The following FNBP1 variants were observed in gnomAD, a reference collection of about 807,000 sequenced individuals.
FNBP1 encodes formin-binding protein 1.
FNBP1 carries 26 observed loss-of-function variants against 90.6 expected under a neutral mutation model. The ratio of observed to expected loss-of-function variants is 0.29; its 90% CI spans 0.21 to 0.40. The LOEUF is 0.40. Among genes scored for constraint, FNBP1 ranks in the 10% least tolerant of loss-of-function variants. The pLI, the probability that FNBP1 is intolerant of heterozygous loss-of-function variation, is 1.00. For missense variants in FNBP1, 635 were observed against 768.0 expected, an observed-to-expected ratio of 0.83 and a Z score of 2.05; for synonymous variants, 260 against 265.2, an observed-to-expected ratio of 0.98 and a Z score of 0.19.
At chr9:129,925,428 C>G (rs1229034328) in intron 8 of FNBP1, among the ~76,000 whole-genome samples, 1 of 151,684 alleles carries the variant, frequency 6.6e-6, no homozygotes, top group Admixed American at 6.6e-5. Flanking sequence ...ATGGCATGAA[C>G]CCAGGAGGCG....
intron 1 of FNBP1, among the ~76,000 whole-genome samples, chr9:130,007,694 A>G (rs1381401279): frequency 6.6e-6 from 1 of 152,178 alleles, no homozygotes; most frequent in East Asian, 1.9e-4. Context: ...ACTGCCCCAA[A>G]GATGCGGAGT....
At chr9:129,908,816 G>C in intron 12 of FNBP1, 74 bp downstream of exon 12, 1 of 951,678 alleles carries the variant, frequency 1.1e-6, no homozygotes, top group East Asian at 2.6e-5. Flanking sequence ...GCCTCCCAAA[G>C]TGCTGGGATT....
chr9:129,910,033 C>T, intron 11 of FNBP1: 1 of 402,286 alleles, frequency 2.5e-6, no homozygotes, highest in Admixed American at 2.9e-5. Flanking sequence ...TCTTGATTCC[C>T]TTTTCAGAAG....
At chr9:130,027,652 C>A (rs905282352) in intron 1 of FNBP1, among the ~76,000 whole-genome samples, 7 of 152,094 alleles carry the variant, frequency 4.6e-5, no homozygotes, top group African/African-American at 1.7e-4. Context: ...TTGCTGAGGC[C>A]TCAGCTGGGA....
chr9:129,993,638 T>C (rs1465693790), intron 2 of FNBP1, among the ~76,000 whole-genome samples: 2 of 149,814 alleles, frequency 1.3e-5, no homozygotes, highest in Non-Finnish European at 3.0e-5. Context: ...TTTTTTTTTT[T>C]TTTTGAGAAG....
intron 1 of FNBP1, among the ~76,000 whole-genome samples, chr9:130,037,395 C>T (rs193283299): frequency 2.6e-5 from 4 of 152,020 alleles, no homozygotes; most frequent in East Asian, 1.9e-4. Context: ...GAGCTAGGGA[C>T]GATTGTTAAT....
At chr9:129,932,166 G>A (rs1358991054) in intron 6 of FNBP1, among the ~76,000 whole-genome samples, 1 of 151,484 alleles carries the variant, frequency 6.6e-6, no homozygotes, top group Non-Finnish European at 1.5e-5. Context: ...AGCCGAGATC[G>A]CACCACTGCA....
At chr9:129,891,600 T>G (rs1173548310) in intron 16 of FNBP1, among the ~76,000 whole-genome samples, 2 of 152,222 alleles carry the variant, frequency 1.3e-5, no homozygotes, top group Non-Finnish European at 2.9e-5. Flanking sequence ...AAGGAAAACC[T>G]GTTGTTCTGT....
At chr9:130,009,033 T>G (rs1421704912) in intron 1 of FNBP1, among the ~76,000 whole-genome samples, 1 of 152,178 alleles carries the variant, frequency 6.6e-6, no homozygotes, top group African/African-American at 2.4e-5. Context: ...AGCCAGATTT[T>G]TAAAGTCCTG....
intron 1 of FNBP1, among the ~76,000 whole-genome samples, chr9:130,006,647 G>A (rs139195531): frequency 4.7e-4 from 71 of 152,244 alleles, no homozygotes; most frequent in African/African-American, 1.6e-3. Flanking sequence ...TCCAGCCTGG[G>A]CGACAGAGGA....
At chr9:129,956,529 T>TA (rs2046968293) in intron 6 of FNBP1, among the ~76,000 whole-genome samples, 1 of 152,236 alleles carries the variant, frequency 6.6e-6, no homozygotes, top group Non-Finnish European at 1.5e-5. Flanking sequence ...ATACACTTTA[T>TA]AATATTTCTA....
intron 4 of FNBP1, among the ~76,000 whole-genome samples, chr9:129,960,603 G>A (rs1425975642): frequency 1.3e-5 from 2 of 151,938 alleles, no homozygotes; most frequent in Admixed American, 1.3e-4. Flanking sequence ...GAGGAGCCTC[G>A]GGGAGAATAT....
chr9:130,000,805 T>C (rs2054720562), intron 1 of FNBP1, among the ~76,000 whole-genome samples: 1 of 152,206 alleles, frequency 6.6e-6, no homozygotes, highest in Non-Finnish European at 1.5e-5. Context: ...GTTTGCCAGA[T>C]ACTCAAAAGT....
chr9:129,941,408 T>C (rs1393452261), intron 6 of FNBP1, among the ~76,000 whole-genome samples: 1 of 152,010 alleles, frequency 6.6e-6, no homozygotes, highest in African/African-American at 2.4e-5. Context: ...AATAAATAAA[T>C]GCTATTAAAT....
intron 1 of FNBP1, among the ~76,000 whole-genome samples, chr9:130,034,000 A>G (rs1323567157): frequency 1.3e-5 from 2 of 148,426 alleles, no homozygotes; most frequent in African/African-American, 2.5e-5. Context: ...TGGGTGACAG[A>G]ACAAGACTCT....
chr9:130,015,502 C>T (rs1239937388), intron 1 of FNBP1, among the ~76,000 whole-genome samples: 1 of 152,134 alleles, frequency 6.6e-6, no homozygotes, highest in Non-Finnish European at 1.5e-5. Flanking sequence ...AAAAATCCAG[C>T]CTCGACTACT....
intron 2 of FNBP1, among the ~76,000 whole-genome samples, chr9:129,986,518 G>A (rs946320636): frequency 2.6e-5 from 4 of 152,178 alleles, no homozygotes; most frequent in Non-Finnish European, 5.9e-5. Flanking sequence ...TAGGCCGGGC[G>A]TGGTGGCTCA....
Position 129,946,042 on chromosome 9 carries a change from G to A in FNBP1, c.513+11318C>T, listed in dbSNP as rs559363550. Among the ~76,000 whole-genome samples the A allele has an allele frequency of 4.6e-5, 7 of 152,090 alleles. No homozygotes were observed. The South Asian group carries it at 1.2e-3, about 27-fold the overall frequency. On this transcript the variant is annotated intron_variant, in intron 6 of 16. Transcript: ENST00000446176. ...AAATTAGCCGGGTGTAGTGGCGTAC[G>A]CCTGTAGTCCCAGCTACTCAGGAGG...
intron 4 of FNBP1, among the ~76,000 whole-genome samples, chr9:129,962,647 C>A (rs1396421411): frequency 6.6e-6 from 1 of 152,162 alleles, no homozygotes; most frequent in Non-Finnish European, 1.5e-5. Flanking sequence ...CTGTTTTAAG[C>A]GCCTCTTTGC....
Sources: allele counts gnomAD v4.1 joint callset (sites outside exome capture counted in the v4.1 genomes callset), GRCh38; gene constraint gnomAD v4.1.1; transcripts MANE v1.5; gene names NCBI Gene and HGNC (gene_info 2026-07-23, HGNC 2026-07-21).